The following AP4S1 variants were observed in gnomAD, a reference collection of about 807,000 sequenced individuals.
AP4S1 encodes AP-4 complex subunit sigma-1.
Under a neutral mutation model 19.8 loss-of-function variants are expected in AP4S1, and 23 were observed. The ratio of observed to expected loss-of-function variants is 1.16; its 90% confidence interval spans 0.84 to 1.65. The LOEUF is 1.65. Ranked by LOEUF, AP4S1 falls within the 40% of genes most tolerant of loss-of-function variation. AP4S1 has a pLI of 0.00. For missense variants in AP4S1, 166 were observed against 172.8 expected, an observed-to-expected ratio of 0.96 and a Z score of 0.22; for synonymous variants, 46 against 54.1, an observed-to-expected ratio of 0.85 and a Z score of 0.66.
At chr14:31,084,051 T>C (rs756415829) in intron 5 of AP4S1, among the ~76,000 whole-genome samples, 3 of 152,200 alleles carry the variant, frequency 2.0e-5, no homozygotes, top group Admixed American at 6.5e-5. Flanking sequence ...TTATATCCAC[T>C]CTGCCAGGAA....
At chr14:31,050,326 C>T (rs917875784) in intron 1 of AP4S1, among the ~76,000 whole-genome samples, 1 of 152,182 alleles carries the variant, frequency 6.6e-6, no homozygotes, top group African/African-American at 2.4e-5. Context: ...TCCCAAAATG[C>T]TGGGATTATA....
intron 1 of AP4S1, among the ~76,000 whole-genome samples, chr14:31,043,052 C>T (rs751985719): frequency 2.6e-5 from 4 of 151,974 alleles, no homozygotes; most frequent in Non-Finnish European, 4.4e-5. Flanking sequence ...GAAACCCTGT[C>T]TCTACTAAAA....
chr14:31,041,337 AG>A (rs549191096), intron 1 of AP4S1, among the ~76,000 whole-genome samples: 78 of 151,846 alleles, frequency 5.1e-4, no homozygotes, highest in Non-Finnish European at 6.2e-4. Context: ...TTTAGTAGTG[AG>A]GGGGTTTCAC....
chr14:31,090,597 A>G (rs992824431), intron 5 of AP4S1, among the ~76,000 whole-genome samples: 10 of 152,228 alleles, frequency 6.6e-5, no homozygotes, highest in Admixed American at 3.9e-4. Flanking sequence ...TAGTATACCA[A>G]CAGTCTGGGC....
Position 31,075,086 on chromosome 14 carries a change from C to A in AP4S1, c.294+2113C>A, listed in dbSNP as rs150950871. 5.3e-4 allele frequency among the ~76,000 whole-genome samples: 80 copies of A among 152,262 alleles called. 1 individual carries two copies. Among genetic ancestry groups the A allele is most frequent in the African/African-American group, 1.5e-3 (62 of 41,552 alleles). On this transcript the variant is annotated intron_variant, in intron 4 of 5. Coordinates refer to ENST00000542754, the MANE Select transcript of AP4S1 (RefSeq NM_001128126.3). ...GAAATATACAATAGATTATTATTAA[C>A]CATAGTCACCCTACTGATTTATCAA...
intron 1 of AP4S1, among the ~76,000 whole-genome samples, chr14:31,048,251 A>C (rs1885535683): frequency 6.6e-6 from 1 of 151,400 alleles, no homozygotes; most frequent in Non-Finnish European, 1.5e-5. Flanking sequence ...CCACCACCAC[A>C]CCTGGCTAAC....
At chr14:31,060,294 G>C (rs1046098348) in intron 1 of AP4S1, among the ~76,000 whole-genome samples, 7 of 151,972 alleles carry the variant, frequency 4.6e-5, no homozygotes, top group African/African-American at 9.7e-5. Context: ...GTTCCACGGG[G>C]CCTACTGTGG....
At chr14:31,090,732 C>T (rs943747168) in intron 5 of AP4S1, among the ~76,000 whole-genome samples, 18 of 152,242 alleles carry the variant, frequency 1.2e-4, no homozygotes, top group Non-Finnish European at 2.9e-5. Context: ...TACTCTTGGC[C>T]TCACCAGGGT....
At chr14:31,091,989 A>C (rs1054884766) in intron 5 of AP4S1, among the ~76,000 whole-genome samples, 5 of 152,332 alleles carry the variant, frequency 3.3e-5, no homozygotes, top group Admixed American at 2.0e-4. Flanking sequence ...TTAGGTATTC[A>C]GTTGAAGGGA....
intron 4 of AP4S1, among the ~76,000 whole-genome samples, chr14:31,078,197 A>G (rs745887613): frequency 8.5e-5 from 13 of 152,152 alleles, no homozygotes; most frequent in Non-Finnish European, 1.8e-4. Flanking sequence ...GGACATGGAG[A>G]CTGGCTTTAA....
chr14:31,034,638 C>CA (rs1391839602), intron 1 of AP4S1, among the ~76,000 whole-genome samples: 1 of 112,658 alleles, frequency 8.9e-6, no homozygotes, highest in African/African-American at 3.5e-5. Context: ...TTTTTTTAGA[C>CA]AGAGTCTTGC....
chr14:31,029,294 CCT>C (rs1258067865), intron 1 of AP4S1, among the ~76,000 whole-genome samples: 1 of 152,166 alleles, frequency 6.6e-6, no homozygotes. Flanking sequence ...TTCTGTCATT[CCT>C]CTGTTTAACA....
chr14:31,079,571 T>A (rs531592974), intron 4 of AP4S1, among the ~76,000 whole-genome samples: 2 of 152,246 alleles, frequency 1.3e-5, no homozygotes, highest in East Asian at 1.9e-4. Flanking sequence ...ACACCTGTAA[T>A]CCCAGCACTT....
In AP4S1 at chr14:31,040,968, G is replaced by A. The variant is rs556137003; in HGVS notation, c.-72+15181G>A. Among the ~76,000 whole-genome samples the A allele has an allele frequency of 1.1e-4, 17 of 151,286 alleles. No individual in the cohort carries two copies. In the East Asian group the frequency reaches 2.2e-3, roughly 20 times the overall value. On this transcript the variant is annotated intron_variant, in intron 1 of 5. Coordinates refer to ENST00000542754, the MANE Select transcript of AP4S1 (RefSeq NM_001128126.3). ...GGGTGCCTGTAAGTCCCAGCTACTC[G>A]GGAGGCTGAGGCAGGAGAATGGTGT...
chr14:31,035,405 A>C (rs550399625), intron 1 of AP4S1, among the ~76,000 whole-genome samples: 71 of 151,302 alleles, frequency 4.7e-4, no homozygotes, highest in African/African-American at 1.6e-3. Context: ...ATTGGCCAGG[A>C]TGGTCTTGAT....
At chr14:31,051,668 T>C (rs2139500601) in intron 1 of AP4S1, among the ~76,000 whole-genome samples, 1 of 152,304 alleles carries the variant, frequency 6.6e-6, no homozygotes. Flanking sequence ...TCAATTTATT[T>C]ATTTATTTAT....
chr14:31,035,704 G>A (rs891097695), intron 1 of AP4S1, among the ~76,000 whole-genome samples: 1 of 147,772 alleles, frequency 6.8e-6, no homozygotes, highest in Non-Finnish European at 1.5e-5. Context: ...ATTTATTGAA[G>A]AGACCAGGTT....
rs749329106 is a variant in AP4S1 at position 31,084,757 on chromosome 14, TG to T, written c.306+4174del. ...AGACTTCAAATTTTATGAATTAAGGTGTTTTTTTTAGGAACCAATTGATGAA... is the reference window on the plus strand; with the variant it reads ...AGACTTCAAATTTTATGAATTAAGGTTTTTTTTTAGGAACCAATTGATGAA... On this transcript the variant is annotated intron_variant, in intron 5 of 5. Coordinates refer to ENST00000542754, the MANE Select transcript of AP4S1 (RefSeq NM_001128126.3). The T allele has an allele frequency of 1.2e-5, 20 of 1,613,954 alleles. No homozygotes were observed. In the African/African-American group the frequency reaches 2.1e-4, roughly 17 times the overall value.
intron 1 of AP4S1, among the ~76,000 whole-genome samples, chr14:31,030,099 G>C (rs1001143486): frequency 6.6e-6 from 1 of 151,764 alleles, no homozygotes; most frequent in Non-Finnish European, 1.5e-5. Flanking sequence ...TCCCACCTCA[G>C]CCTCCTAAGT....
Sources: gnomAD v4.1 joint callset for allele counts (sites outside exome capture counted in the v4.1 genomes callset) on GRCh38, gnomAD v4.1.1 for gene constraint, MANE v1.5 for transcripts, NCBI Gene and HGNC (gene_info 2026-07-23, HGNC 2026-07-21) for gene names.